NCAPG: variants seen among roughly 807,000 people sequenced by gnomAD.
The protein encoded by NCAPG is non-SMC condensin I complex subunit G, also known as condensin complex subunit 3.
A neutral mutation model predicts 113.1 loss-of-function variants in NCAPG; 69 were observed. That is an observed-to-expected ratio of 0.61 (90% CI 0.50 to 0.75). The LOEUF (loss-of-function observed/expected upper bound fraction) is 0.75. Ranked by LOEUF, NCAPG falls within the 30% of genes least tolerant of loss-of-function variation. The pLI is 0.00. For synonymous variants in NCAPG, 370 were observed against 415.8 expected (o/e 0.89, Z 1.34); for missense variants, 1,058 against 1,177.0 (o/e 0.90, Z 1.48).
intron 15 of NCAPG, 44 bp from the exon 16 acceptor site, chr4:17,837,583 C>G: frequency 6.4e-7 from 1 of 1,559,856 alleles, no homozygotes; most frequent in South Asian, 1.2e-5. Flanking sequence ...TTTCTCTCAT[C>G]AAATAATGTT....
intron 19 of NCAPG, chr4:17,841,995 C>A: frequency 4.2e-6 from 1 of 235,748 alleles, no homozygotes. Flanking sequence ...AGAGGTACTT[C>A]ATTATAACAC....
intron 13 of NCAPG, among the ~76,000 whole-genome samples, chr4:17,832,685 G>A (rs1186160286): frequency 2.0e-5 from 3 of 152,262 alleles, no homozygotes; most frequent in Non-Finnish European, 4.4e-5. Flanking sequence ...CTTAGAGATA[G>A]GATGTTGCCT....
intron 12 of NCAPG, among the ~76,000 whole-genome samples, chr4:17,829,639 G>A (rs1313091659): frequency 6.6e-6 from 1 of 152,142 alleles, no homozygotes; most frequent in Non-Finnish European, 1.5e-5. Flanking sequence ...GATTGAAAGA[G>A]ATTAGTAGAG....
chr4:17,844,849 T>C lies in NCAPG; in HGVS notation c.*1424T>C, dbSNP rs1722768209. Reference sequence around the variant, plus strand: ...CTTGCTTTCTCTGGCATGGGAAAAATAAATTTAAGCACCAAACCTTTAGTA... The same window carrying C: ...CTTGCTTTCTCTGGCATGGGAAAAACAAATTTAAGCACCAAACCTTTAGTA... On this transcript the variant is annotated 3_prime_UTR_variant, in exon 21 of 21. Transcript: ENST00000251496. 6.6e-6 allele frequency: 1 copy of C among 152,116 alleles called. No homozygotes were observed. The highest frequency in any genetic ancestry group is 2.1e-4 in the South Asian group (1 of 4,832). The allele number at this position is 152,116 out of a possible 1,614,324, so 9.4% of individuals were successfully genotyped here. A position where few individuals can be genotyped will look rare whatever the true frequency, so the allele number is the denominator to read the frequency against.
Position 17,813,091 on chromosome 4 carries a change from C to G in NCAPG, c.490C>G (p.Leu164Val). 1 of 1,614,036 alleles carries G rather than the reference C, an allele frequency of 6.2e-7. No individual in the cohort carries two copies. Among genetic ancestry groups the G allele is most frequent in the Non-Finnish European group, 8.5e-7 (1 of 1,179,954 alleles). ...KIPNVRIQAV[L>V]ALSRLQDPKD... ...TCCAAATGTGAGAATACAGGCAGTT[C>G]TGGCGCTTTCACGACTTCAGGATCC... is the stretch of plus-strand genomic sequence containing the variant. Residue 164 changes from leucine to valine, a missense_variant, in exon 3 of 21, where the codon CTG becomes GTG. Coordinates refer to ENST00000251496, the MANE Select transcript of NCAPG (RefSeq NM_022346.5).
In NCAPG at chr4:17,811,198, C is replaced by G. The variant is rs1195657190; in HGVS notation, c.111+10C>G. ...CCGCACCTACCGCACGGTAAGCGCTCCCGGCCCCGGCCGCCGCCTCTCGCC... is the reference window on the plus strand; with the variant it reads ...CCGCACCTACCGCACGGTAAGCGCTGCCGGCCCCGGCCGCCGCCTCTCGCC... On this transcript the variant is annotated intron_variant, in intron 1 of 20. Transcript: ENST00000251496. The surrounding 1 kb of genome is among the most constrained non-coding windows in gnomAD (Gnocchi z 5.3). The G allele has an allele frequency of 6.9e-7, 1 of 1,447,122 alleles. No homozygotes were observed. Among genetic ancestry groups the G allele is most frequent in the East Asian group, 2.9e-5 (1 of 34,684 alleles). 89.6% of individuals were successfully genotyped at this position (1,447,122 alleles called of 1,614,324 possible). A position where few individuals can be genotyped will look rare whatever the true frequency, so the allele number is the denominator to read the frequency against.
At position 17,812,922 on chromosome 4, in the gene NCAPG, T is replaced by A. The variant is rs1232513934; in HGVS notation, c.321T>A (p.His107Gln). 5 of 1,613,662 alleles carry A rather than the reference T, an allele frequency of 3.1e-6. No individual in the cohort carries two copies. Among genetic ancestry groups the A allele is most frequent in the Non-Finnish European group, 4.2e-6 (5 of 1,179,678 alleles). The change falls in exon 3 of 21, where the codon CAT becomes CAA. Residue 107 changes from histidine to glutamine, a missense_variant. Transcript: ENST00000251496. Reference protein sequence around the residue: ...NYLFTFLLKSHEANSNAVRFR... With the variant: ...NYLFTFLLKSQEANSNAVRFR... ...TTGATTTGTTTCTGTTTTAGTCTCA[T>A]GAAGCAAACAGCAATGCAGTGAGAT...
chr4:17,825,642 T>C (rs1386783446), intron 11 of NCAPG, 81 bp downstream of exon 11: 4 of 1,257,696 alleles, frequency 3.2e-6, no homozygotes, highest in Middle Eastern at 2.0e-4. Flanking sequence ...ACTTCTAGAA[T>C]TGCCAAAATA....
chr4:17,824,870 C>T (rs1056348614), intron 9 of NCAPG, 98 bp from the exon 10 acceptor site: 1 of 710,338 alleles, frequency 1.4e-6, no homozygotes, highest in Non-Finnish European at 2.3e-6. Flanking sequence ...CTCCATTATT[C>T]AATATATGGT....
chr4:17,833,701 A>G (rs963970449), intron 13 of NCAPG, among the ~76,000 whole-genome samples: 12 of 151,684 alleles, frequency 7.9e-5, no homozygotes, highest in South Asian at 4.2e-4. Context: ...GGGCATTTTT[A>G]AACTTAAGAT....
rs372865251 is a variant in NCAPG at position 17,832,431 on chromosome 4, T to G, written c.1884+1315T>G. Reference sequence around the variant, plus strand: ...GAAAGGTGGAGGATAATTTAAAGATTTGCGCCAGAATAACTGGATGGATGA... The same window carrying G: ...GAAAGGTGGAGGATAATTTAAAGATGTGCGCCAGAATAACTGGATGGATGA... On this transcript the variant is annotated intron_variant, in intron 13 of 20. Transcript: ENST00000251496. Among the ~76,000 whole-genome samples the G allele has an allele frequency of 2.0e-5, 3 of 152,252 alleles. No homozygotes were observed. The East Asian group carries it at 5.8e-4, about 29-fold the overall frequency.
intron 3 of NCAPG, chr4:17,813,434 A>T: frequency 4.8e-6 from 1 of 208,908 alleles, no homozygotes; most frequent in Non-Finnish European, 9.5e-6. Flanking sequence ...CATAAATCAC[A>T]TATGTCTATC....
Position 17,811,081 on chromosome 4 carries a change from G to A in NCAPG, c.4G>A (p.Gly2Arg). The change falls in exon 1 of 21, where the codon GGA becomes AGA. Residue 2 changes from glycine to arginine, a missense_variant. Gly to Arg is a moderately radical substitution (Grantham distance 125). Transcript: ENST00000251496. This position sits in a 1 kb window ranked among gnomAD's most constrained non-coding sequence, Gnocchi z 5.3. M[G>R]AERRLLSIKE... ...GTCCCGGCAGGGTTCCAGAGCCATGGGAGCGGAAAGGAGGCTGCTGTCGAT... is the reference window on the plus strand; with the variant it reads ...GTCCCGGCAGGGTTCCAGAGCCATGAGAGCGGAAAGGAGGCTGCTGTCGAT... 6.6e-7 allele frequency: 1 copy of A among 1,512,250 alleles called. No individual in the cohort carries two copies. Among genetic ancestry groups the A allele is most frequent in the East Asian group, 2.7e-5 (1 of 36,700 alleles). The allele number at this position is 1,512,250 out of a possible 1,614,324, so 93.7% of individuals were successfully genotyped here.
chr4:17,819,900 G>C (rs764812824), intron 7 of NCAPG, among the ~76,000 whole-genome samples: 13 of 152,130 alleles, frequency 8.5e-5, no homozygotes, highest in Non-Finnish European at 1.3e-4. Context: ...GGAAACTATA[G>C]CTCAAGCCCA....
intron 5 of NCAPG, among the ~76,000 whole-genome samples, 169 bp downstream of exon 5, chr4:17,815,527 A>C (rs1721164852): frequency 7.7e-6 from 1 of 129,702 alleles, no homozygotes; most frequent in African/African-American, 3.9e-5. Flanking sequence ...AAAGATTTTG[A>C]TATATATATA....
At chr4:17,831,496 G>A (rs747102758) in intron 13 of NCAPG, among the ~76,000 whole-genome samples, 8 of 152,120 alleles carry the variant, frequency 5.3e-5, no homozygotes, top group Non-Finnish European at 8.8e-5. Context: ...AGTATACAAT[G>A]TATCAGATAG....
intron 13 of NCAPG, among the ~76,000 whole-genome samples, chr4:17,832,073 G>A (rs1721888017): frequency 6.6e-6 from 1 of 152,192 alleles, no homozygotes; most frequent in Admixed American, 6.5e-5. Context: ...CTGTAGTCCA[G>A]TAAAACTTTA....
chr4:17,832,448 G>A (rs985144759), intron 13 of NCAPG, among the ~76,000 whole-genome samples: 8 of 152,196 alleles, frequency 5.3e-5, no homozygotes, highest in African/African-American at 1.9e-4. Context: ...AGAATAACTG[G>A]ATGGATGAAT....
intron 13 of NCAPG, among the ~76,000 whole-genome samples, chr4:17,832,562 C>G (rs1342397760): frequency 6.6e-6 from 1 of 152,036 alleles, no homozygotes; most frequent in Non-Finnish European, 1.5e-5. Context: ...GTTTAAGGTA[C>G]AAGTGGATAT....
Sources: gnomAD v4.1 joint callset for allele counts (sites outside exome capture counted in the v4.1 genomes callset) on GRCh38, gnomAD v4.1.1 for gene constraint, Gnocchi (gnomAD v3.1) non-coding constraint, MANE v1.5 for transcripts, NCBI Gene and HGNC (gene_info 2026-07-23, HGNC 2026-07-21) for gene names.